ATP7A: variants seen among roughly 807,000 people sequenced by gnomAD.
ATP7A encodes copper-transporting ATPase 1.
In ATP7A, 7 loss-of-function variants were observed where a neutral mutation model predicts 83.5. That is an observed-to-expected ratio of 0.08 (90% CI 0.05 to 0.16). The LOEUF (loss-of-function observed/expected upper bound fraction) is 0.16. Ranked by LOEUF, ATP7A falls within the 10% of genes least tolerant of loss-of-function variation. The probability of loss-of-function intolerance (pLI) is 1.00; values close to 1 mark genes in which losing one functional copy is unlikely to be tolerated. For missense variants in ATP7A, 940 were observed against 1,120.8 expected (o/e 0.84, Z 2.30); for synonymous variants, 354 against 395.2 (o/e 0.90, Z 1.24).
chrX:78,038,777 A>G, intron 17 of ATP7A, 59 bp from the exon 18 acceptor site: 1 of 1,166,231 alleles, frequency 8.6e-7, no homozygotes, highest in South Asian at 1.8e-5. Context: ...AACTTGCTTC[A>G]TGGGGTTTTA....
chrX:77,927,756 G>A (rs1200434623), intron 1 of ATP7A, among the ~76,000 whole-genome samples: 1 of 110,784 alleles, frequency 9.0e-6, no homozygotes, highest in African/African-American at 3.3e-5. Context: ...ATTTACATTA[G>A]GTATATCTCC....
chrX:77,941,426 G>C (rs1557225633), intron 1 of ATP7A, among the ~76,000 whole-genome samples: 1 of 110,643 alleles, frequency 9.0e-6, no homozygotes, highest in Non-Finnish European at 1.9e-5. Context: ...TTAATAATTA[G>C]AGATGAGGTC....
At chrX:77,937,943 C>G (rs2077329864) in intron 1 of ATP7A, among the ~76,000 whole-genome samples, 1 of 109,311 alleles carries the variant, frequency 9.1e-6, no homozygotes, top group Non-Finnish European at 1.9e-5. Flanking sequence ...CTACCCCTCT[C>G]TCTCTCGCCA....
At chrX:77,966,171 T>G (rs1364247555) in intron 1 of ATP7A, among the ~76,000 whole-genome samples, 2 of 112,211 alleles carry the variant, frequency 1.8e-5, no homozygotes, top group African/African-American at 6.5e-5. Flanking sequence ...CTCAAGAATG[T>G]TTTAAAACTG....
intron 1 of ATP7A, among the ~76,000 whole-genome samples, chrX:77,931,767 G>T (rs2077279050): frequency 3.8e-5 from 4 of 105,351 alleles, no homozygotes; most frequent in African/African-American, 1.4e-4. Context: ...GCCGGGTGGG[G>T]GGCTGACCCC....
At chrX:78,020,812 C>T in intron 13 of ATP7A, 133 bp from the exon 14 acceptor site, 1 of 729,490 alleles carries the variant, frequency 1.4e-6, no homozygotes, top group Non-Finnish European at 2.1e-6. Flanking sequence ...TGAGCCACCA[C>T]ACCTGGCCAT....
rs375936583 is a variant in ATP7A at position 78,037,549 on chromosome X, A to T, written c.3512-1287A>T. Reference sequence around the variant, plus strand: ...TGAGAGTAGATAAAGGGAAAGAGAGAGTTAAGTACTGAATCCTGCAGCACT... The same window carrying T: ...TGAGAGTAGATAAAGGGAAAGAGAGTGTTAAGTACTGAATCCTGCAGCACT... On this transcript the variant is annotated intron_variant, in intron 17 of 22. Coordinates refer to ENST00000341514, the MANE Select transcript of ATP7A (RefSeq NM_000052.7). Among the ~76,000 whole-genome samples the T allele has an allele frequency of 3.6e-5, 4 of 111,294 alleles. No individual in the cohort carries two copies. In the East Asian group the frequency reaches 8.5e-4, roughly 24 times the overall value.
In ATP7A at chrX:78,020,231, A is replaced by T. The variant is rs2077895683; in HGVS notation, c.2627-13A>T. 1 of 1,205,690 alleles carries T rather than the reference A, an allele frequency of 8.3e-7. No homozygotes were observed. Among genetic ancestry groups the T allele is most frequent in the Non-Finnish European group, 1.1e-6 (1 of 891,233 alleles). On this transcript the variant is annotated splice_polypyrimidine_tract_variant and intron_variant, in intron 12 of 22. Transcript: ENST00000341514. ...ATTTATGCTCCTTAAATCTATCTTTACTCTCCATACAGGGGAGGCAATGCC... is the reference window on the plus strand; with the variant it reads ...ATTTATGCTCCTTAAATCTATCTTTTCTCTCCATACAGGGGAGGCAATGCC...
At chrX:77,985,016 A>C (rs781853200) in intron 2 of ATP7A, among the ~76,000 whole-genome samples, 1 of 111,633 alleles carries the variant, frequency 9.0e-6, no homozygotes, top group African/African-American at 3.3e-5. Context: ...CAAACCATCC[A>C]GTGACAAAGT....
At chrX:77,941,015 G>A (rs1275428809) in intron 1 of ATP7A, among the ~76,000 whole-genome samples, 8 of 111,167 alleles carry the variant, frequency 7.2e-5, no homozygotes, top group African/African-American at 2.3e-4. Context: ...TAGAACATGT[G>A]GAAAAATAAA....
At position 77,969,680 on chromosome X, in the gene ATP7A, G is replaced by A. The variant is rs782468857; in HGVS notation, c.-21-1941G>A. The A allele has an allele frequency of 5.0e-6, 6 of 1,200,687 alleles. No individual in the cohort carries two copies. The South Asian group carries it at 8.9e-5, about 18-fold the overall frequency. On this transcript the variant is annotated intron_variant, in intron 1 of 22. Transcript: ENST00000341514. ...ACTTTTTATACCATTTGAAGTAAAA[G>A]GTACAAAAGGTTATACGCTGAAAAT...
At chrX:77,970,838 TA>T (rs1488328691) in intron 1 of ATP7A, among the ~76,000 whole-genome samples, 3 of 111,482 alleles carry the variant, frequency 2.7e-5, no homozygotes, top group Non-Finnish European at 5.6e-5. Context: ...AGGCAGACAA[TA>T]AGCAATAAAC....
chrX:78,042,881 C>T, intron 20 of ATP7A, 93 bp downstream of exon 20: 1 of 993,909 alleles, frequency 1.0e-6, no homozygotes, highest in Non-Finnish European at 1.4e-6. Flanking sequence ...ACAATTCTGT[C>T]TTAAGTTCCA....
At chrX:78,027,517 A>G (rs2077953506) in intron 14 of ATP7A, among the ~76,000 whole-genome samples, 1 of 111,954 alleles carries the variant, frequency 8.9e-6, no homozygotes, top group Admixed American at 9.5e-5. Context: ...TAAAACTACC[A>G]TACTGTCCAA....
intron 1 of ATP7A, among the ~76,000 whole-genome samples, chrX:77,969,974 T>C (rs1022274939): frequency 8.9e-6 from 1 of 112,101 alleles, no homozygotes; most frequent in Non-Finnish European, 1.9e-5. Context: ...TTATCTCACA[T>C]TTCCTATGAC....
chrX:77,930,821 T>C (rs947722769), intron 1 of ATP7A, among the ~76,000 whole-genome samples: 24 of 110,374 alleles, frequency 2.2e-4, no homozygotes, highest in Non-Finnish European at 4.4e-4. Context: ...GGGACTTCCT[T>C]AGCTGTCAAA....
At chrX:77,995,359 G>A (rs1557232423) in intron 4 of ATP7A, among the ~76,000 whole-genome samples, 1 of 110,432 alleles carries the variant, frequency 9.1e-6, no homozygotes, top group African/African-American at 3.3e-5. Context: ...GAGGTCAGGA[G>A]TTCGAGACCA....
At position 78,039,105 on chromosome X, in the gene ATP7A, A is replaced by G. The variant is rs1239641344; in HGVS notation, c.3658+123A>G. The G allele has an allele frequency of 1.3e-5, 10 of 775,500 alleles. No homozygotes were observed. The African/African-American group carries it at 1.8e-4, about 14-fold the overall frequency. 63.9% of individuals were successfully genotyped at this position (775,500 alleles called of 1,213,427 possible). A position where few individuals can be genotyped will look rare whatever the true frequency, so the allele number is the denominator to read the frequency against. On this transcript the variant is annotated intron_variant, in intron 18 of 22. Transcript: ENST00000341514. ...AAAGCATCTTGAATGCAAAATGAAA[A>G]TGTCAACAACACATGATTATTACTG... is the stretch of plus-strand genomic sequence containing the variant.
Position 77,931,802 on chromosome X carries a change from G to A in ATP7A, c.-22+20967G>A, listed in dbSNP as rs1252692263. ...CCCCCACCTCCCTCCTGGACGGGGC[G>A]GCTGGCCGGGCGGGGGGCTGACCCC... On this transcript the variant is annotated intron_variant, in intron 1 of 22. Transcript: ENST00000341514. Among the ~76,000 whole-genome samples, 4 of 100,133 alleles carry A rather than the reference G, an allele frequency of 4.0e-5. No individual in the cohort carries two copies. The East Asian group carries it at 1.4e-3, about 34-fold the overall frequency. The allele number at this position is 100,133 out of a possible 115,157, so 87.0% of individuals were successfully genotyped here.
Sources: gnomAD v4.1 joint callset for allele counts (sites outside exome capture counted in the v4.1 genomes callset) on GRCh38, gnomAD v4.1.1 for gene constraint, MANE v1.5 for transcripts, NCBI Gene and HGNC (gene_info 2026-07-23, HGNC 2026-07-21) for gene names.